Variants in MYO6 observed in about 807,000 individuals in gnomAD.
MYO6 encodes the protein unconventional myosin-VI.
MYO6 carries 74 observed loss-of-function variants against 178.7 expected under a neutral mutation model. The ratio of observed to expected loss-of-function variants is 0.41; its 90% CI spans 0.34 to 0.50. MYO6 has a LOEUF of 0.50. Ranked by LOEUF, MYO6 falls within the 20% of genes least tolerant of loss-of-function variation. The pLI is 0.09. For synonymous variants in MYO6, 477 were observed against 504.6 expected (o/e 0.95, Z 0.73); for missense variants, 1,330 against 1,547.4 (o/e 0.86, Z 2.36).
intron 1 of MYO6, among the ~76,000 whole-genome samples, chr6:75,793,344 C>T (rs752149407): frequency 1.3e-5 from 2 of 152,120 alleles, no homozygotes; most frequent in Admixed American, 6.6e-5. Context: ...GTGGCTCACG[C>T]TTGTAATCCC....
Position 75,866,284 on chromosome 6 carries a change from T to TGTGG in MYO6, c.1675-239_1675-238insGGTG, listed in dbSNP as rs377636351. ...GTCTCTGTCTCTGTCTCTGTGTGTG[T>TGTGG]GTGTGTGTGTGTGTGTGTGTGTGTC... On this transcript the variant is annotated intron_variant, in intron 16 of 34. Coordinates refer to ENST00000369977, the MANE Select transcript of MYO6 (RefSeq NM_004999.4). 5.9e-3 allele frequency among the ~76,000 whole-genome samples: 899 copies of TGTGG among 151,118 alleles called. 8 individuals carry two copies. Among genetic ancestry groups the TGTGG allele is most frequent in the African/African-American group, 0.02 (836 of 41,222 alleles).
In MYO6 at chr6:75,884,533, G is replaced by A. The variant is rs1023617526; in HGVS notation, c.2417-1471G>A. 1.5e-4 allele frequency among the ~76,000 whole-genome samples: 23 copies of A among 152,158 alleles called. 1 individual carries two copies. Among genetic ancestry groups the A allele is most frequent in the Non-Finnish European group, 4.4e-5 (3 of 68,040 alleles). On this transcript the variant is annotated intron_variant, in intron 23 of 34. Transcript: ENST00000369977. ...TCTCCTTGCCCACTACCCAGACAGA[G>A]CTGATTTATCAAGATAGGAATTGCA... is the stretch of plus-strand genomic sequence containing the variant.
intron 32 of MYO6, 43 bp downstream of exon 32, chr6:75,908,670 A>C: frequency 6.3e-7 from 1 of 1,585,778 alleles, no homozygotes; most frequent in Non-Finnish European, 8.7e-7. Context: ...AAATATATGT[A>C]TATAAATGCA....
chr6:75,817,555 A>T lies in MYO6; in HGVS notation c.8A>T (p.Asp3Val). 1.2e-6 allele frequency: 2 copies of T among 1,614,140 alleles called. No individual in the cohort carries two copies. The highest frequency in any genetic ancestry group is 1.7e-6 in the Non-Finnish European group (2 of 1,179,962). The change falls in exon 2 of 35, where the codon GAT becomes GTT. Residue 3 changes from aspartate (D) to valine (V), a missense_variant. Asp to Val is a radical substitution (Grantham distance 152). Coordinates refer to ENST00000369977, the MANE Select transcript of MYO6 (RefSeq NM_004999.4). Reference sequence around the variant, plus strand: ...GTGGATCCTCCTTCAAAAATGGAGGATGGAAAGCCCGTTTGGGCGCCACAC... The same window carrying T: ...GTGGATCCTCCTTCAAAAATGGAGGTTGGAAAGCCCGTTTGGGCGCCACAC... Reference protein sequence around the residue: MEDGKPVWAPHPT... With the variant: MEVGKPVWAPHPT...
intron 1 of MYO6, among the ~76,000 whole-genome samples, chr6:75,792,375 A>G (rs1768336199): frequency 6.6e-6 from 1 of 152,228 alleles, no homozygotes; most frequent in Non-Finnish European, 1.5e-5. Context: ...AATTATTCTC[A>G]AGAATATAAG....
rs988252441 is a variant in MYO6, at chr6:75,917,861, G to A, written c.*2849G>A. On this transcript the variant is annotated 3_prime_UTR_variant, in exon 35 of 35. Coordinates refer to ENST00000369977, the MANE Select transcript of MYO6 (RefSeq NM_004999.4). ...ACAGGTCATTACTATGGTTCTCAGC[G>A]ATCCAAATATGTAGATCATTGGTTT... 2.2e-5 allele frequency: 3 copies of A among 137,470 alleles called. No homozygotes were observed. Among genetic ancestry groups the A allele is most frequent in the African/African-American group, 7.9e-5 (3 of 38,174 alleles). 8.5% of individuals were successfully genotyped at this position (137,470 alleles called of 1,614,324 possible). A position where few individuals can be genotyped will look rare whatever the true frequency, so the allele number is the denominator to read the frequency against.
intron 1 of MYO6, among the ~76,000 whole-genome samples, chr6:75,767,014 T>A (rs1465256032): frequency 1.3e-5 from 2 of 151,988 alleles, no homozygotes; most frequent in Non-Finnish European, 2.9e-5. Flanking sequence ...TTTTGTGTCA[T>A]CTTCCTCAAT....
intron 3 of MYO6, among the ~76,000 whole-genome samples, chr6:75,824,128 G>A (rs1446521714): frequency 6.6e-6 from 1 of 152,194 alleles, no homozygotes; most frequent in Non-Finnish European, 1.5e-5. Context: ...TTATTAATGT[G>A]TATGTCTCTA....
Position 75,868,776 on chromosome 6 carries a change from A to G in MYO6, c.1944+1671A>G, listed in dbSNP as rs1435234360. On this transcript the variant is annotated intron_variant, in intron 18 of 34. Coordinates refer to ENST00000369977, the MANE Select transcript of MYO6 (RefSeq NM_004999.4). ...TACAGCAATACTTCAGTTATCCAGC[A>G]TCCCTGGAAACCAGAAATTTTCTAT... is the stretch of plus-strand genomic sequence containing the variant. Among the ~76,000 whole-genome samples the G allele has an allele frequency of 3.9e-5, 6 of 152,166 alleles. No homozygotes were observed. In the East Asian group the frequency reaches 1.2e-3, roughly 29 times the overall value.
At chr6:75,846,463 T>C (rs1774737038) in intron 10 of MYO6, among the ~76,000 whole-genome samples, 1 of 152,156 alleles carries the variant, frequency 6.6e-6, no homozygotes. Context: ...TATTCCATTA[T>C]TTAAAATTCT....
intron 28 of MYO6, among the ~76,000 whole-genome samples, chr6:75,894,508 T>C (rs1400140536): frequency 3.3e-5 from 5 of 152,188 alleles, no homozygotes; most frequent in Admixed American, 2.6e-4. Flanking sequence ...CTCCTTCCCT[T>C]CTGGTCGTCG....
intron 22 of MYO6, among the ~76,000 whole-genome samples, chr6:75,881,104 T>G (rs2149345923): frequency 6.6e-6 from 1 of 152,076 alleles, no homozygotes; most frequent in African/African-American, 2.4e-5. Context: ...AATACAAAAA[T>G]TAGCCGGGTG....
intron 1 of MYO6, among the ~76,000 whole-genome samples, chr6:75,806,356 C>T (rs1583142918): frequency 6.6e-6 from 1 of 150,974 alleles, no homozygotes; most frequent in East Asian, 1.9e-4. Context: ...CCACTGCACT[C>T]CAGCCTGGGC....
At chr6:75,788,321 G>A (rs1767883037) in intron 1 of MYO6, among the ~76,000 whole-genome samples, 1 of 151,748 alleles carries the variant, frequency 6.6e-6, no homozygotes, top group Non-Finnish European at 1.5e-5. Context: ...CCAAGATCGT[G>A]CCACTGCACT....
chr6:75,874,426 C>T (rs1348661651), intron 20 of MYO6, among the ~76,000 whole-genome samples: 1 of 152,206 alleles, frequency 6.6e-6, no homozygotes, highest in Non-Finnish European at 1.5e-5. Flanking sequence ...AGAGACTGGT[C>T]AGACCCATCC....
chr6:75,758,874 CTT>C (rs112712452), intron 1 of MYO6, among the ~76,000 whole-genome samples: 3 of 141,806 alleles, frequency 2.1e-5, no homozygotes, highest in Non-Finnish European at 1.6e-5. Flanking sequence ...TTGTATAGAT[CTT>C]TTTTTTTTTT....
intron 30 of MYO6, 111 bp downstream of exon 30, chr6:75,898,522 T>A (rs181003705): frequency 7.0e-6 from 6 of 860,858 alleles, no homozygotes; most frequent in Admixed American, 3.9e-5. Context: ...AGTCTTTCTA[T>A]GTAAAGTGAT....
chr6:75,776,038 C>G (rs1233029845), intron 1 of MYO6, among the ~76,000 whole-genome samples: 1 of 152,100 alleles, frequency 6.6e-6, no homozygotes, highest in Non-Finnish European at 1.5e-5. Flanking sequence ...CTTCACTGCT[C>G]CCCCGAGCAC....
intron 1 of MYO6, among the ~76,000 whole-genome samples, chr6:75,753,470 T>C (rs1187134463): frequency 6.7e-6 from 1 of 150,254 alleles, no homozygotes; most frequent in Non-Finnish European, 1.5e-5. Flanking sequence ...TATATATATA[T>C]ATATATATAT....
Sources: allele counts gnomAD v4.1 joint callset (sites outside exome capture counted in the v4.1 genomes callset), GRCh38; gene constraint gnomAD v4.1.1; transcripts MANE v1.5; gene names NCBI Gene and HGNC (gene_info 2026-07-23, HGNC 2026-07-21).